The following DCDC1 variants were observed in gnomAD, a reference collection of about 807,000 sequenced individuals.
DCDC1 encodes the protein doublecortin domain-containing protein 1.
A neutral mutation model predicts 178.3 loss-of-function variants in DCDC1; 200 were observed. The observed-to-expected ratio is 1.12, with a 90% CI of 1.00 to 1.26. The LOEUF is 1.26. Among genes scored for constraint, DCDC1 ranks in the 50% most tolerant of loss-of-function variants. DCDC1 has a pLI of 0.00. For synonymous variants in DCDC1, 690 were observed against 604.8 expected (o/e 1.14, Z -2.07); for missense variants, 1,983 against 1,749.2 (o/e 1.13, Z -2.38).
chr11:31,210,994 T>C (rs1972462841), intron 9 of DCDC1, among the ~76,000 whole-genome samples: 1 of 152,214 alleles, frequency 6.6e-6, no homozygotes, highest in African/African-American at 2.4e-5. Flanking sequence ...GCAAGTTTCA[T>C]AAATTCTGAA....
At chr11:31,369,277 G>T (rs1277692120) in intron 1 of DCDC1, among the ~76,000 whole-genome samples, 2 of 152,164 alleles carry the variant, frequency 1.3e-5, no homozygotes, top group African/African-American at 2.4e-5. Flanking sequence ...GTTGTAAGTT[G>T]GTTGCTAAGG....
At chr11:31,036,834 A>C (rs1402185907) in intron 20 of DCDC1, among the ~76,000 whole-genome samples, 2 of 152,154 alleles carry the variant, frequency 1.3e-5, no homozygotes, top group Non-Finnish European at 2.9e-5. Context: ...TTTTAGCAGA[A>C]CTCTGTTCAA....
chr11:31,265,110 TA>T (rs1442416234), intron 8 of DCDC1, among the ~76,000 whole-genome samples: 1 of 152,208 alleles, frequency 6.6e-6, no homozygotes, highest in East Asian at 1.9e-4. Context: ...TTACATTTCA[TA>T]ACTTTTGAAT....
intron 9 of DCDC1, among the ~76,000 whole-genome samples, chr11:31,237,245 A>C (rs950528791): frequency 1.3e-5 from 2 of 151,942 alleles, no homozygotes; most frequent in African/African-American, 4.8e-5. Flanking sequence ...GGTAGAGCTT[A>C]GTTTTAGTAT....
chr11:31,070,075 T>C (rs1203284054), intron 18 of DCDC1, among the ~76,000 whole-genome samples: 1 of 152,216 alleles, frequency 6.6e-6, no homozygotes, highest in East Asian at 1.9e-4. Context: ...CATTTACAAA[T>C]TGTCCTGGAA....
At chr11:30,971,249 AAAG>A (rs1949760114) in intron 20 of DCDC1, among the ~76,000 whole-genome samples, 1 of 152,214 alleles carries the variant, frequency 6.6e-6, no homozygotes, top group African/African-American at 2.4e-5. Flanking sequence ...CACACAAAAA[AAAG>A]AACAATCAAG....
chr11:30,921,212 T>C (rs1946230750), intron 24 of DCDC1, among the ~76,000 whole-genome samples: 1 of 152,232 alleles, frequency 6.6e-6, no homozygotes, highest in South Asian at 2.1e-4. Context: ...TTTAGATATA[T>C]GTTTCTAGAT....
intron 21 of DCDC1, among the ~76,000 whole-genome samples, chr11:30,939,209 C>G (rs552841614): frequency 6.6e-6 from 1 of 152,188 alleles, no homozygotes; most frequent in Non-Finnish European, 1.5e-5. Context: ...CCTCCACTGT[C>G]TCCTGAATAA....
chr11:31,312,159 G>A (rs1287725272), intron 3 of DCDC1, among the ~76,000 whole-genome samples: 1 of 152,058 alleles, frequency 6.6e-6, no homozygotes, highest in Non-Finnish European at 1.5e-5. Context: ...CCCAATTATA[G>A]GGACTCTCAT....
intron 20 of DCDC1, among the ~76,000 whole-genome samples, chr11:31,062,887 C>T (rs1235626113): frequency 6.7e-6 from 1 of 150,210 alleles, no homozygotes; most frequent in Non-Finnish European, 1.5e-5. Flanking sequence ...TGTTGGTGTG[C>T]TGCACCCATT....
chr11:31,361,960 A>G (rs1234742575), intron 1 of DCDC1, among the ~76,000 whole-genome samples: 2 of 152,326 alleles, frequency 1.3e-5, no homozygotes, highest in Non-Finnish European at 2.9e-5. Flanking sequence ...GTGGGCTAAG[A>G]TCAAAAGAAC....
At chr11:31,033,695 T>C (rs1234702297) in intron 20 of DCDC1, among the ~76,000 whole-genome samples, 1 of 152,170 alleles carries the variant, frequency 6.6e-6, no homozygotes, top group Non-Finnish European at 1.5e-5. Flanking sequence ...TTTTAGTTAA[T>C]AACAGACCAC....
At chr11:31,114,899 T>C (rs1384715316) in intron 11 of DCDC1, among the ~76,000 whole-genome samples, 1 of 152,148 alleles carries the variant, frequency 6.6e-6, no homozygotes, top group Non-Finnish European at 1.5e-5. Context: ...CAAACAAGAG[T>C]ATTAACAATT....
intron 7 of DCDC1, chr11:31,280,743 T>A (rs1309472178): frequency 3.4e-6 from 2 of 593,802 alleles, no homozygotes. Flanking sequence ...CCGGCAAAGA[T>A]CATTTTTATT....
chr11:31,041,244 T>C (rs921704698), intron 20 of DCDC1, among the ~76,000 whole-genome samples: 1 of 152,158 alleles, frequency 6.6e-6, no homozygotes, highest in East Asian at 1.9e-4. Flanking sequence ...GACAATAAGA[T>C]GTAACAAATG....
At chr11:31,115,959 A>G (rs1484186412) in intron 11 of DCDC1, among the ~76,000 whole-genome samples, 1 of 112,008 alleles carries the variant, frequency 8.9e-6, no homozygotes, top group Non-Finnish European at 1.8e-5. Context: ...GCAATTATCT[A>G]AGAAGGATAT....
At chr11:31,356,097 G>C (rs937129680) in intron 1 of DCDC1, among the ~76,000 whole-genome samples, 17 of 152,062 alleles carry the variant, frequency 1.1e-4, no homozygotes, top group Admixed American at 5.9e-4. Flanking sequence ...AATGTTTAGA[G>C]GAGATAGCTA....
At chr11:31,223,151 C>T (rs952306479) in intron 9 of DCDC1, among the ~76,000 whole-genome samples, 1 of 151,922 alleles carries the variant, frequency 6.6e-6, no homozygotes, top group Non-Finnish European at 1.5e-5. Flanking sequence ...TGAACATTAT[C>T]CTGAATAAAT....
chr11:31,282,692 C>A (rs1946535555), intron 7 of DCDC1, among the ~76,000 whole-genome samples: 1 of 152,020 alleles, frequency 6.6e-6, no homozygotes, highest in African/African-American at 2.4e-5. Context: ...AAATTTGTTT[C>A]TGGTATCATT....
Sources: allele counts gnomAD v4.1 joint callset (sites outside exome capture counted in the v4.1 genomes callset), GRCh38; gene constraint gnomAD v4.1.1; transcripts MANE v1.5; gene names NCBI Gene and HGNC (gene_info 2026-07-23, HGNC 2026-07-21).